BRINP2: variants seen among roughly 807,000 people sequenced by gnomAD.
BRINP2 encodes BMP/retinoic acid-inducible neural-specific protein 2.
In BRINP2, 21 loss-of-function variants were observed where a neutral mutation model predicts 69.2. The ratio of observed to expected loss-of-function variants is 0.30; its 90% CI spans 0.22 to 0.44. BRINP2 has a LOEUF of 0.44. BRINP2 is among the 20% of genes least tolerant of loss of function. The probability of loss-of-function intolerance (pLI) is 1.00; values close to 1 mark genes in which losing one functional copy is unlikely to be tolerated. For missense variants in BRINP2, 877 were observed against 986.0 expected (o/e 0.89, Z 1.48); for synonymous variants, 380 against 394.1 (o/e 0.96, Z 0.42).
intron 1 of BRINP2, among the ~76,000 whole-genome samples, chr1:177,190,037 T>G (rs1172891047): frequency 6.6e-6 from 1 of 152,174 alleles, no homozygotes; most frequent in African/African-American, 2.4e-5. Context: ...TCCTCCTTTC[T>G]GGAACTCAGT....
At chr1:177,275,172 C>G (rs1442315009) in intron 5 of BRINP2, 2 of 456,288 alleles carry the variant, frequency 4.4e-6, no homozygotes, top group Middle Eastern at 3.3e-4. Flanking sequence ...ACCCTTTGTT[C>G]ATCCTTTGGT....
intron 1 of BRINP2, among the ~76,000 whole-genome samples, chr1:177,186,064 T>C (rs925163160): frequency 2.0e-5 from 3 of 152,208 alleles, no homozygotes; most frequent in Admixed American, 1.3e-4. Flanking sequence ...CAAGGATGAT[T>C]CATGGATAGC....
chr1:177,246,950 T>A (rs575482648), intron 2 of BRINP2, among the ~76,000 whole-genome samples: 1 of 152,322 alleles, frequency 6.6e-6, no homozygotes, highest in Non-Finnish European at 1.5e-5. Context: ...GTATGATATA[T>A]CCTTAAGCCC....
rs1273676786 is a variant in BRINP2 at position 177,171,313 on chromosome 1, C to A, written c.-496C>A. On this transcript the variant is annotated 5_prime_UTR_variant, in exon 1 of 8. Transcript: ENST00000361539. The stretch of plus-strand genomic sequence containing the variant: ...TCCTCGGCGGAGGGACAGGGGACTC[C>A]CCCAGTTGGGTCTTGCACTTCCCTT... Among the ~76,000 whole-genome samples the A allele has an allele frequency of 6.6e-6, 1 of 152,158 alleles. No homozygotes were observed. Among genetic ancestry groups the A allele is most frequent in the South Asian group, 2.1e-4 (1 of 4,826 alleles).
At chr1:177,206,368 T>C (rs183084337) in intron 1 of BRINP2, among the ~76,000 whole-genome samples, 1 of 152,340 alleles carries the variant, frequency 6.6e-6, no homozygotes, top group African/African-American at 2.4e-5. Flanking sequence ...TTGTTACACA[T>C]TTGTTACATA....
intron 1 of BRINP2, among the ~76,000 whole-genome samples, chr1:177,198,279 G>A (rs568700826): frequency 3.3e-5 from 5 of 152,236 alleles, no homozygotes; most frequent in Non-Finnish European, 7.3e-5. Context: ...CTTTAGACAT[G>A]TATTAAGCTG....
At position 177,227,055 on chromosome 1, in the gene BRINP2, C is replaced by T. The variant is rs574438072; in HGVS notation, c.-76-2746C>T. The stretch of plus-strand genomic sequence containing the variant: ...ATATCTGCCATCTGGACTTTCAATG[C>T]ACTCTGCAGTCATTGAATCGTAACT... On this transcript the variant is annotated intron_variant, in intron 1 of 7. Transcript: ENST00000361539. Among the ~76,000 whole-genome samples, 19 of 152,326 alleles carry T rather than the reference C, an allele frequency of 1.2e-4. No homozygotes were observed. The South Asian group carries it at 2.1e-3, about 17-fold the overall frequency.
chr1:177,271,620 T>A (rs1017812906), intron 4 of BRINP2, among the ~76,000 whole-genome samples: 1 of 152,138 alleles, frequency 6.6e-6, no homozygotes, highest in Non-Finnish European at 1.5e-5. Context: ...CTTGGGAAAG[T>A]TAAGTGGGAT....
intron 4 of BRINP2, among the ~76,000 whole-genome samples, chr1:177,265,502 C>T (rs185797251): frequency 1.3e-3 from 192 of 152,298 alleles, no homozygotes; most frequent in African/African-American, 4.3e-3. Context: ...TTTTTATTCT[C>T]AGCTCTTCTC....
intron 1 of BRINP2, among the ~76,000 whole-genome samples, chr1:177,198,033 A>AG (rs978173696): frequency 1.4e-4 from 22 of 152,204 alleles, no homozygotes; most frequent in African/African-American, 5.3e-4. Flanking sequence ...TGATTTGCTG[A>AG]GGGGGGAGTG....
Position 177,257,233 on chromosome 1 carries a change from C to A in BRINP2, c.518C>A (p.Thr173Lys). 2 of 1,614,092 alleles carry A rather than the reference C, an allele frequency of 1.2e-6. No individual in the cohort carries two copies. The highest frequency in any genetic ancestry group is 2.7e-5 in the African/African-American group (2 of 75,008). ...CAGAAACTGGGAAGAAAGACAGAGACAACAGGAGGTGCCTCTATAATCGGG... is the reference window on the plus strand; with the variant it reads ...CAGAAACTGGGAAGAAAGACAGAGAAAACAGGAGGTGCCTCTATAATCGGG... ...DKQKLGRKTE[T>K]TGGASIIGGS... Residue 173 changes from threonine (T) to lysine (K), a missense_variant, in exon 4 of 8, where the codon ACA becomes AAA. By Grantham distance (78) the Thr-to-Lys change is moderately conservative. Transcript: ENST00000361539.
chr1:177,254,792 T>G (rs1650700720), intron 2 of BRINP2, among the ~76,000 whole-genome samples: 2 of 152,228 alleles, frequency 1.3e-5, no homozygotes, highest in South Asian at 2.1e-4. Context: ...ATTCAAAGTT[T>G]AGAAAACTTG....
intron 1 of BRINP2, among the ~76,000 whole-genome samples, chr1:177,229,230 T>G (rs981005147): frequency 4.6e-5 from 7 of 152,166 alleles, no homozygotes; most frequent in Non-Finnish European, 7.3e-5. Flanking sequence ...CTATATACAT[T>G]AAACCCAGAG....
At chr1:177,272,173 C>G (rs189368041) in intron 4 of BRINP2, among the ~76,000 whole-genome samples, 2 of 152,314 alleles carry the variant, frequency 1.3e-5, no homozygotes, top group Admixed American at 6.5e-5. Flanking sequence ...GGAACCAACA[C>G]AGATGGTGCC....
At chr1:177,192,191 C>A (rs1648615170) in intron 1 of BRINP2, among the ~76,000 whole-genome samples, 1 of 152,182 alleles carries the variant, frequency 6.6e-6, no homozygotes, top group African/African-American at 2.4e-5. Context: ...CCTCTCGTTA[C>A]TTTTCATCTT....
In BRINP2 at chr1:177,231,387, T is replaced by G. The variant is rs147955018; in HGVS notation, c.269+1242T>G. Among the ~76,000 whole-genome samples, 359 of 152,304 alleles carry G rather than the reference T, an allele frequency of 2.4e-3. 2 individuals are homozygous for G. Among genetic ancestry groups the G allele is most frequent in the African/African-American group, 8.2e-3 (341 of 41,552 alleles). On this transcript the variant is annotated intron_variant, in intron 2 of 7. Coordinates refer to ENST00000361539, the MANE Select transcript of BRINP2 (RefSeq NM_021165.4). Reference sequence around the variant, plus strand: ...TTTTTCTGGGAGTTCTTTTTTAACATCTGCAGTAACGAGGCAACCAGTTTA... The same window carrying G: ...TTTTTCTGGGAGTTCTTTTTTAACAGCTGCAGTAACGAGGCAACCAGTTTA...
intron 2 of BRINP2, among the ~76,000 whole-genome samples, chr1:177,237,661 T>C (rs1249125275): frequency 6.6e-6 from 1 of 152,184 alleles, no homozygotes; most frequent in Non-Finnish European, 1.5e-5. Context: ...GGAAGATCAG[T>C]TTTGTTTTCA....
At chr1:177,215,584 T>C (rs1170303473) in intron 1 of BRINP2, among the ~76,000 whole-genome samples, 1 of 152,200 alleles carries the variant, frequency 6.6e-6, no homozygotes, top group Admixed American at 6.5e-5. Flanking sequence ...TTCTAACATC[T>C]TGTTGTAGAT....
chr1:177,208,460 CA>C (rs1482661818), intron 1 of BRINP2, among the ~76,000 whole-genome samples: 1 of 152,156 alleles, frequency 6.6e-6, no homozygotes, highest in East Asian at 1.9e-4. Flanking sequence ...ACCATTTCCC[CA>C]CTCTCCTTAT....
Sources: allele counts gnomAD v4.1 joint callset (sites outside exome capture counted in the v4.1 genomes callset), GRCh38; gene constraint gnomAD v4.1.1; transcripts MANE v1.5; gene names NCBI Gene and HGNC (gene_info 2026-07-23, HGNC 2026-07-21).